The following COL22A1 variants were observed in gnomAD, a reference collection of about 807,000 sequenced individuals.
COL22A1 encodes collagen alpha-1(XXII) chain.
A neutral mutation model predicts 248.9 loss-of-function variants in COL22A1; 221 were observed. The ratio of observed to expected loss-of-function variants is 0.89; its 90% confidence interval spans 0.80 to 0.99. The LOEUF (loss-of-function observed/expected upper bound fraction) is 0.99, where lower values mean the gene tolerates loss of function less well. Ranked by LOEUF, COL22A1 falls within the 50% of genes least tolerant of loss-of-function variation. The pLI is 0.00. For synonymous variants in COL22A1, 891 were observed against 793.4 expected (o/e 1.12, Z -2.07); for missense variants, 2,240 against 2,179.0 (o/e 1.03, Z -0.56).
chr8:138,858,054 G>GAAC (rs1822173938), intron 3 of COL22A1, among the ~76,000 whole-genome samples: 4 of 152,360 alleles, frequency 2.6e-5, no homozygotes, highest in Admixed American at 1.3e-4. Flanking sequence ...GCCCTGGGTG[G>GAAC]TGACGTCATC....
At chr8:138,812,684 C>G (rs1818342987) in intron 8 of COL22A1, among the ~76,000 whole-genome samples, 1 of 152,154 alleles carries the variant, frequency 6.6e-6, no homozygotes, top group Non-Finnish European at 1.5e-5. Context: ...CCTCCTACAT[C>G]CCCTAGAGCA....
chr8:138,776,142 C>T, intron 15 of COL22A1, 132 bp from the exon 16 acceptor site: 1 of 828,038 alleles, frequency 1.2e-6, no homozygotes. Flanking sequence ...AGTGAGGACC[C>T]TGTCTCCCTG....
At chr8:138,872,917 A>C (rs551248013) in intron 3 of COL22A1, among the ~76,000 whole-genome samples, 2 of 151,896 alleles carry the variant, frequency 1.3e-5, no homozygotes, top group Non-Finnish European at 2.9e-5. Flanking sequence ...GTCTGCTGAT[A>C]CTCTTTTTCA....
chr8:138,706,329 T>C (rs1828442975), intron 30 of COL22A1, among the ~76,000 whole-genome samples: 1 of 152,204 alleles, frequency 6.6e-6, no homozygotes, highest in African/African-American at 2.4e-5. Flanking sequence ...ATCAACAGAA[T>C]ATACATTCTT....
intron 40 of COL22A1, among the ~76,000 whole-genome samples, chr8:138,677,747 A>C (rs1825679000): frequency 6.6e-6 from 1 of 152,224 alleles, no homozygotes; most frequent in Non-Finnish European, 1.5e-5. Context: ...CCAAAATCGA[A>C]ATTGAATTTG....
chr8:138,893,476 C>A (rs1825202830), intron 1 of COL22A1, among the ~76,000 whole-genome samples: 1 of 152,224 alleles, frequency 6.6e-6, no homozygotes, highest in South Asian at 2.1e-4. Context: ...TGTACCTGGA[C>A]ACAGATGGTG....
rs1054533868 is a variant in COL22A1 at position 138,760,938 on chromosome 8, G to A, written c.1858-651C>T. ...GAGCACAGGGTAGTCCTCAGCCAGC[G>A]TCCTCACAGACCCCAGGGAGGGCCT... On this transcript the variant is annotated intron_variant, in intron 17 of 64. Coordinates refer to ENST00000303045, the MANE Select transcript of COL22A1 (RefSeq NM_152888.3). Among the ~76,000 whole-genome samples, 10 of 151,998 alleles carry A rather than the reference G, an allele frequency of 6.6e-5. No homozygotes were observed. The South Asian group carries it at 8.3e-4, about 13-fold the overall frequency.
At chr8:138,659,699 C>T (rs1399792640) in intron 44 of COL22A1, among the ~76,000 whole-genome samples, 3 of 152,208 alleles carry the variant, frequency 2.0e-5, no homozygotes, top group African/African-American at 7.2e-5. Flanking sequence ...ATTGGAAACT[C>T]AGTCAGAGGG....
intron 16 of COL22A1, among the ~76,000 whole-genome samples, chr8:138,765,930 A>G (rs1440624069): frequency 6.6e-6 from 1 of 152,226 alleles, no homozygotes; most frequent in African/African-American, 2.4e-5. Context: ...AGAACAGTGT[A>G]AGAGAGCTAG....
chr8:138,664,207 GCGCACACACACACACACACACACA>G (rs1349812159), intron 41 of COL22A1, among the ~76,000 whole-genome samples: 45 of 87,604 alleles, frequency 5.1e-4, no homozygotes, highest in African/African-American at 1.5e-3. Flanking sequence ...GCGCGCGCGC[GCGCACACACACACACACACACACA>G]CACACACACA....
chr8:138,731,592 T>A (rs948308061), intron 23 of COL22A1, among the ~76,000 whole-genome samples: 3 of 151,930 alleles, frequency 2.0e-5, no homozygotes, highest in Admixed American at 2.0e-4. Context: ...CTGTGGGGCA[T>A]GATGGATTCA....
intron 41 of COL22A1, among the ~76,000 whole-genome samples, chr8:138,669,056 C>G (rs1462967485): frequency 6.6e-6 from 1 of 152,140 alleles, no homozygotes; most frequent in Non-Finnish European, 1.5e-5. Context: ...CCCAGGGAAG[C>G]TGGAGTCTGA....
intron 1 of COL22A1, among the ~76,000 whole-genome samples, chr8:138,909,631 G>A (rs1215374991): frequency 1.3e-5 from 2 of 152,180 alleles, no homozygotes; most frequent in Non-Finnish European, 2.9e-5. Context: ...GGGTTAACTA[G>A]TAGTGAGGTT....
chr8:138,745,536 G>A (rs1244637261), intron 22 of COL22A1, among the ~76,000 whole-genome samples: 1 of 152,120 alleles, frequency 6.6e-6, no homozygotes, highest in East Asian at 1.9e-4. Context: ...TTACAGGTGT[G>A]AGGGACTCTT....
chr8:138,752,828 C>T (rs1832711247), intron 21 of COL22A1, among the ~76,000 whole-genome samples: 1 of 152,224 alleles, frequency 6.6e-6, no homozygotes, highest in Non-Finnish European at 1.5e-5. Context: ...CAATTCAATT[C>T]AACCCAATGA....
chr8:138,708,660 A>G (rs1381308905), intron 30 of COL22A1, among the ~76,000 whole-genome samples: 4 of 152,192 alleles, frequency 2.6e-5, no homozygotes, highest in South Asian at 4.1e-4. Flanking sequence ...AGACTTAAAC[A>G]TTAGACCTAA....
At chr8:138,736,529 G>A (rs1448538299) in intron 23 of COL22A1, among the ~76,000 whole-genome samples, 1 of 152,096 alleles carries the variant, frequency 6.6e-6, no homozygotes, top group African/African-American at 2.4e-5. Context: ...CTCTGCGCCT[G>A]GAGCCTCACC....
rs567648346 is a variant in COL22A1, at chr8:138,845,201, T to C, written c.659-1043A>G. ...ATATTACATAAATATGTTAAAGTCT[T>C]CATGGATCCTCACTTCTAAAAAGTT... On this transcript the variant is annotated intron_variant, in intron 3 of 64. Coordinates refer to ENST00000303045, the MANE Select transcript of COL22A1 (RefSeq NM_152888.3). Among the ~76,000 whole-genome samples the C allele has an allele frequency of 2.6e-4, 39 of 152,208 alleles. 1 individual carries two copies. The East Asian group carries it at 7.2e-3, about 28-fold the overall frequency.
chr8:138,688,625 TCAGA>T (rs1402248907), intron 37 of COL22A1, among the ~76,000 whole-genome samples: 1 of 151,740 alleles, frequency 6.6e-6, no homozygotes, highest in African/African-American at 2.4e-5. Flanking sequence ...GGATTTGGAG[TCAGA>T]CAGACCTAGC....
Sources: gnomAD v4.1 joint callset for allele counts (sites outside exome capture counted in the v4.1 genomes callset) on GRCh38, gnomAD v4.1.1 for gene constraint, MANE v1.5 for transcripts, NCBI Gene and HGNC (gene_info 2026-07-23, HGNC 2026-07-21) for gene names.